MOB3B: variants seen among roughly 807,000 people sequenced by gnomAD.
MOB3B encodes the protein MOB kinase activator 3B.
In MOB3B, 7 loss-of-function variants were observed where a neutral mutation model predicts 18.7. The observed-to-expected ratio is 0.37, with a 90% CI of 0.21 to 0.70. The LOEUF (loss-of-function observed/expected upper bound fraction) is 0.70. MOB3B is among the 30% of genes least tolerant of loss of function. The pLI, the probability that MOB3B is intolerant of heterozygous loss-of-function variation, is 0.52. For missense variants in MOB3B, 253 were observed against 281.3 expected (o/e 0.90, Z 0.72); for synonymous variants, 111 against 99.9 (o/e 1.11, Z -0.66).
At chr9:27,447,181 G>T (rs1822705535) in intron 2 of MOB3B, among the ~76,000 whole-genome samples, 1 of 152,150 alleles carries the variant, frequency 6.6e-6, no homozygotes, top group Non-Finnish European at 1.5e-5. Context: ...CATCATATAA[G>T]TATCTGCATA....
intron 1 of MOB3B, among the ~76,000 whole-genome samples, chr9:27,468,446 C>T (rs1370936474): frequency 1.3e-5 from 2 of 152,228 alleles, no homozygotes; most frequent in African/African-American, 4.8e-5. Context: ...TCAAACTTCT[C>T]TCTGGCTTAA....
intron 1 of MOB3B, chr9:27,524,408 C>T (rs762393413): frequency 2.5e-6 from 4 of 1,614,040 alleles, no homozygotes; most frequent in South Asian, 2.2e-5. Flanking sequence ...TCATTGCTGG[C>T]ACCCTATCCC....
chr9:27,504,938 C>T (rs1408084864), intron 1 of MOB3B, among the ~76,000 whole-genome samples: 1 of 152,110 alleles, frequency 6.6e-6, no homozygotes, highest in Non-Finnish European at 1.5e-5. Flanking sequence ...TGTGGCCCCA[C>T]ATCACTCTGA....
chr9:27,498,566 T>G (rs958084282), intron 1 of MOB3B, among the ~76,000 whole-genome samples: 2 of 152,248 alleles, frequency 1.3e-5, no homozygotes, highest in African/African-American at 4.8e-5. Context: ...CCCTAGGTTT[T>G]GTTCATGTGC....
chr9:27,439,936 G>T (rs889910458), intron 2 of MOB3B, among the ~76,000 whole-genome samples: 1 of 152,116 alleles, frequency 6.6e-6, no homozygotes, highest in Non-Finnish European at 1.5e-5. Context: ...TGCTTTGGGG[G>T]TGGGCCCGGT....
At chr9:27,339,381 T>C (rs1161755838) in intron 3 of MOB3B, among the ~76,000 whole-genome samples, 1 of 152,218 alleles carries the variant, frequency 6.6e-6, no homozygotes, top group African/African-American at 2.4e-5. Flanking sequence ...TTTATTGGTA[T>C]AAATAACTTG....
At chr9:27,419,112 C>A (rs1332781903) in intron 2 of MOB3B, among the ~76,000 whole-genome samples, 1 of 147,362 alleles carries the variant, frequency 6.8e-6, no homozygotes, top group Middle Eastern at 3.3e-3. Context: ...AGTCGAAAGA[C>A]CTCTACAAGG....
At chr9:27,505,030 C>T (rs1368329088) in intron 1 of MOB3B, among the ~76,000 whole-genome samples, 2 of 152,176 alleles carry the variant, frequency 1.3e-5, no homozygotes, top group Non-Finnish European at 2.9e-5. Flanking sequence ...ACACTTGGCC[C>T]ACCCTGATAA....
intron 2 of MOB3B, among the ~76,000 whole-genome samples, chr9:27,411,398 C>T (rs1447994686): frequency 7.2e-5 from 11 of 152,200 alleles, no homozygotes. Flanking sequence ...CAGATTTGTA[C>T]CAATTTCTTG....
At chr9:27,355,590 C>T (rs28437313) in intron 3 of MOB3B, among the ~76,000 whole-genome samples, 15,399 of 144,688 alleles carry the variant, frequency 0.11, 1,038 homozygotes, top group African/African-American at 0.18. Context: ...GACGGAGTCT[C>T]GCTCTTTTGC....
intron 3 of MOB3B, among the ~76,000 whole-genome samples, chr9:27,352,097 G>A (rs7035694): frequency 0.41 from 62,382 of 151,918 alleles, 13,034 homozygotes; most frequent in Middle Eastern, 0.51. Flanking sequence ...GGAAATAATA[G>A]TAACAAGTCT....
intron 3 of MOB3B, among the ~76,000 whole-genome samples, chr9:27,352,911 A>G (rs1420219774): frequency 1.3e-5 from 2 of 152,252 alleles, no homozygotes; most frequent in African/African-American, 4.8e-5. Context: ...TGTACACTGT[A>G]AATCTTCAAG....
At chr9:27,520,617 T>C (rs911883332) in intron 1 of MOB3B, among the ~76,000 whole-genome samples, 1 of 152,232 alleles carries the variant, frequency 6.6e-6, no homozygotes, top group African/African-American at 2.4e-5. Context: ...AGTGTGTGTA[T>C]GTTTGTGTGT....
intron 1 of MOB3B, among the ~76,000 whole-genome samples, chr9:27,517,607 C>T (rs1224567992): frequency 8.0e-6 from 1 of 124,384 alleles, no homozygotes; most frequent in Non-Finnish European, 1.6e-5. Flanking sequence ...GAGATCATGC[C>T]ACTGCACTCC....
At chr9:27,528,778 G>C (rs1820480966) in intron 1 of MOB3B, among the ~76,000 whole-genome samples, 1 of 144,886 alleles carries the variant, frequency 6.9e-6, no homozygotes, top group African/African-American at 2.5e-5. Context: ...GAAAGAGCGC[G>C]AGGGGGGGGA....
intron 2 of MOB3B, among the ~76,000 whole-genome samples, chr9:27,368,353 T>TACACACACACACAC (rs138287792): frequency 7.3e-4 from 106 of 145,986 alleles, no homozygotes; most frequent in African/African-American, 2.4e-3. Context: ...CACACATACA[T>TACACACACACACAC]ACACACACAC....
At chr9:27,434,403 C>T (rs1416139029) in intron 2 of MOB3B, among the ~76,000 whole-genome samples, 3 of 152,170 alleles carry the variant, frequency 2.0e-5, no homozygotes, top group Admixed American at 1.3e-4. Flanking sequence ...TCTCCACCCA[C>T]CATTAAATGT....
intron 2 of MOB3B, chr9:27,378,423 G>C (rs1176561788): frequency 1.1e-5 from 5 of 471,392 alleles, no homozygotes; most frequent in Non-Finnish European, 2.2e-5. Context: ...AGCTGGCCCT[G>C]ATCCCATCTA....
At position 27,514,345 on chromosome 9, in the gene MOB3B, C is replaced by CAAAAAAAAAAAAA. The variant is rs34526085; in HGVS notation, c.-199+15197_-199+15209dup. Reference sequence around the variant, plus strand: ...TCAACGCAGAATAAGACCACAAGCTCAAAAAAAAAAAAAAAAAAAAAAAGA... The same window carrying CAAAAAAAAAAAAA: ...TCAACGCAGAATAAGACCACAAGCTCAAAAAAAAAAAAAAAAAAAAAAAAAAAAAAAAAAAAGA... On this transcript the variant is annotated intron_variant, in intron 1 of 3. Transcript: ENST00000262244. Among the ~76,000 whole-genome samples, 48 of 77,598 alleles carry CAAAAAAAAAAAAA rather than the reference C, an allele frequency of 6.2e-4. 1 individual carries two copies. The highest frequency in any genetic ancestry group is 7.7e-4 in the Non-Finnish European group (31 of 40,452). 50.9% of individuals were successfully genotyped at this position (77,598 alleles called of 152,430 possible). A position where few individuals can be genotyped will look rare whatever the true frequency, so the allele number is the denominator to read the frequency against.
Sources: allele counts gnomAD v4.1 joint callset (sites outside exome capture counted in the v4.1 genomes callset), GRCh38; gene constraint gnomAD v4.1.1; transcripts MANE v1.5; gene names NCBI Gene and HGNC (gene_info 2026-07-23, HGNC 2026-07-21).